Variants in SUMF1 observed in about 807,000 individuals in gnomAD.
The protein encoded by SUMF1 is sulfatase modifying factor 1.
Under a neutral mutation model 47.6 loss-of-function variants are expected in SUMF1, and 48 were observed. The ratio of observed to expected loss-of-function variants is 1.01; its 90% CI spans 0.80 to 1.28. The LOEUF (loss-of-function observed/expected upper bound fraction) is 1.28. Ranked by LOEUF, SUMF1 falls within the 50% of genes most tolerant of loss-of-function variation. SUMF1 has a pLI of 0.00. For synonymous variants in SUMF1, 230 were observed against 192.1 expected, an observed-to-expected ratio of 1.20 and a Z score of -1.63; for missense variants, 571 against 485.4, an observed-to-expected ratio of 1.18 and a Z score of -1.66.
At chr3:4,090,845 T>C (rs1196846806) in intron 8 of SUMF1, among the ~76,000 whole-genome samples, 1 of 152,132 alleles carries the variant, frequency 6.6e-6, no homozygotes, top group Non-Finnish European at 1.5e-5. Context: ...CAATGCTTAA[T>C]AGTAGAAGTA....
chr3:4,391,893 T>C (rs1037949364), intron 7 of SUMF1, among the ~76,000 whole-genome samples: 3 of 151,832 alleles, frequency 2.0e-5, no homozygotes, highest in Admixed American at 6.6e-5. Flanking sequence ...ATTGGTGCAA[T>C]CTTGGTTCAC....
At chr3:4,460,621 T>TGTGTGG (rs1214731917) in intron 1 of SUMF1, among the ~76,000 whole-genome samples, 1 of 148,014 alleles carries the variant, frequency 6.8e-6, no homozygotes, top group African/African-American at 2.5e-5. Context: ...TGTGTGTGTG[T>TGTGTGG]GTGAGAGTGT....
chr3:4,372,285 A>G (rs1700193156), intron 8 of SUMF1, among the ~76,000 whole-genome samples: 1 of 152,202 alleles, frequency 6.6e-6, no homozygotes, highest in African/African-American at 2.4e-5. Flanking sequence ...TGGGTCACAG[A>G]GTAAGATTCT....
chr3:4,338,026 T>A (rs1429939382), intron 8 of SUMF1, among the ~76,000 whole-genome samples: 9 of 152,228 alleles, frequency 5.9e-5, no homozygotes, highest in Non-Finnish European at 5.9e-5. Flanking sequence ...CCCAACTTGC[T>A]TTGCAGAAAT....
intron 9 of SUMF1, among the ~76,000 whole-genome samples, chr3:4,057,355 T>C (rs574511019): frequency 1.4e-4 from 22 of 151,826 alleles, no homozygotes; most frequent in Middle Eastern, 3.4e-3. Context: ...AAGGCGTGAG[T>C]TGGGGATGGG....
chr3:4,357,206 A>T (rs550432447), downstream of SUMF1, among the ~76,000 whole-genome samples: 9 of 152,286 alleles, frequency 5.9e-5, no homozygotes, highest in East Asian at 3.9e-4. Flanking sequence ...CTAAATATTT[A>T]AAAAAGAAAA....
chr3:4,244,840 G>A (rs1696624757), intron 8 of SUMF1, among the ~76,000 whole-genome samples: 1 of 152,060 alleles, frequency 6.6e-6, no homozygotes, highest in African/African-American at 2.4e-5. Flanking sequence ...CCTGAAGGGT[G>A]TTTTCCAACT....
At position 4,038,617 on chromosome 3, in the gene SUMF1, G is replaced by A. The variant is rs74551906; in HGVS notation, c.1191+29952C>T. 7.4e-3 allele frequency among the ~76,000 whole-genome samples: 1,130 copies of A among 152,256 alleles called. 17 individuals carry two copies. The highest frequency in any genetic ancestry group is 0.026 in the African/African-American group (1,069 of 41,532). On this transcript the variant is annotated intron_variant and NMD_transcript_variant, in intron 9 of 12. Transcript: ENST00000448413. ...CACTTGCTGGGGAGCAAAGGGCGAA[G>A]GGCTCACTGGGAAGAGAGACTAGTC...
At chr3:4,375,069 G>A (rs972271562) in intron 8 of SUMF1, among the ~76,000 whole-genome samples, 1 of 150,310 alleles carries the variant, frequency 6.7e-6, no homozygotes, top group African/African-American at 2.5e-5. Context: ...CCAGGAGGTC[G>A]GGGCTGTAGT....
At chr3:4,199,259 G>A (rs1695492296) in intron 8 of SUMF1, among the ~76,000 whole-genome samples, 1 of 151,792 alleles carries the variant, frequency 6.6e-6, no homozygotes, top group South Asian at 2.1e-4. Context: ...GTATTCTTTT[G>A]TGTATTGCTT....
At chr3:4,104,684 C>T (rs998277366) in intron 8 of SUMF1, among the ~76,000 whole-genome samples, 12 of 151,914 alleles carry the variant, frequency 7.9e-5, no homozygotes, top group Non-Finnish European at 1.8e-4. Context: ...CTCTCTCTCT[C>T]TCTCTCTTTC....
At chr3:4,294,248 C>A (rs939036795) in intron 8 of SUMF1, among the ~76,000 whole-genome samples, 2 of 152,058 alleles carry the variant, frequency 1.3e-5, no homozygotes, top group Non-Finnish European at 2.9e-5. Flanking sequence ...AAATTCAGCT[C>A]TTCGGTCACA....
At chr3:4,048,986 T>C (rs1287077488) in intron 9 of SUMF1, among the ~76,000 whole-genome samples, 1 of 152,160 alleles carries the variant, frequency 6.6e-6, no homozygotes, top group Non-Finnish European at 1.5e-5. Context: ...TTGGATTTAA[T>C]TATAGAATAA....
Position 4,362,036 on chromosome 3 carries a change from C to T in SUMF1, c.*108G>A, listed in dbSNP as rs909768781. Reference sequence around the variant, plus strand: ...TTGGCCATTGGGCAGGTATGTAACCCACCTCAGGGTGGGAATTCTTTGCAT... The same window carrying T: ...TTGGCCATTGGGCAGGTATGTAACCTACCTCAGGGTGGGAATTCTTTGCAT... On this transcript the variant is annotated 3_prime_UTR_variant, in exon 9 of 9. Coordinates refer to ENST00000272902, the MANE Select transcript of SUMF1 (RefSeq NM_182760.4). 20 of 1,118,426 alleles carry T rather than the reference C, an allele frequency of 1.8e-5. No homozygotes were observed. Among genetic ancestry groups the T allele is most frequent in the Non-Finnish European group, 2.5e-5 (19 of 752,946 alleles). The allele number at this position is 1,118,426 out of a possible 1,614,324, so 69.3% of individuals were successfully genotyped here.
chr3:4,254,018 A>G (rs313665), intron 8 of SUMF1, among the ~76,000 whole-genome samples: 138,954 of 150,058 alleles, frequency 0.93, 64,569 homozygotes, highest in African/African-American at 0.98. Context: ...CACCACACAC[A>G]GCAGGGTATT....
chr3:4,350,056 A>G (rs1195597121), intron 8 of SUMF1, among the ~76,000 whole-genome samples: 1 of 149,176 alleles, frequency 6.7e-6, no homozygotes, highest in African/African-American at 2.5e-5. Context: ...GCTGGAGCGC[A>G]GTGGCACGAT....
chr3:4,066,120 C>T (rs1320956320), intron 9 of SUMF1, among the ~76,000 whole-genome samples: 1 of 151,988 alleles, frequency 6.6e-6, no homozygotes, highest in African/African-American at 2.4e-5. Context: ...GGAAGGGAAA[C>T]AGAAGACATT....
Position 4,254,072 on chromosome 3 carries a change from C to G in SUMF1, c.1014+122258G>C, listed in dbSNP as rs2125014192. ...AGGGTCCTGTCTGTTAGAAGGAAAACTAACAAACAGAAAGGACATCCACAC... is the reference window on the plus strand; with the variant it reads ...AGGGTCCTGTCTGTTAGAAGGAAAAGTAACAAACAGAAAGGACATCCACAC... On this transcript the variant is annotated intron_variant and NMD_transcript_variant, in intron 8 of 12. Transcript: ENST00000448413. 2.0e-5 allele frequency among the ~76,000 whole-genome samples: 3 copies of G among 150,770 alleles called. No homozygotes were observed. The South Asian group carries it at 6.3e-4, about 32-fold the overall frequency.
At chr3:4,149,621 AT>A (rs1458554845) in intron 8 of SUMF1, among the ~76,000 whole-genome samples, 1 of 152,166 alleles carries the variant, frequency 6.6e-6, no homozygotes, top group Non-Finnish European at 1.5e-5. Context: ...AAAATTTTGC[AT>A]GTACTATAGA....
Sources: allele counts gnomAD v4.1 joint callset (sites outside exome capture counted in the v4.1 genomes callset), GRCh38; gene constraint gnomAD v4.1.1; transcripts MANE v1.5; gene names NCBI Gene and HGNC (gene_info 2026-07-23, HGNC 2026-07-21).